Variants in SLC4A4 observed in about 807,000 individuals in gnomAD.
SLC4A4 encodes the protein solute carrier family 4 member 4, also known as electrogenic sodium bicarbonate cotransporter 1.
A neutral mutation model predicts 111.5 loss-of-function variants in SLC4A4; 27 were observed. The observed-to-expected ratio is 0.24, with a 90% CI of 0.18 to 0.33. The LOEUF (loss-of-function observed/expected upper bound fraction) is 0.33, where lower values mean the gene tolerates loss of function less well. Ranked by LOEUF, SLC4A4 falls within the 10% of genes least tolerant of loss-of-function variation. The probability of loss-of-function intolerance (pLI) is 1.00; values close to 1 mark genes in which losing one functional copy is unlikely to be tolerated. For synonymous variants in SLC4A4, 443 were observed against 463.4 expected (o/e 0.96, Z 0.57); for missense variants, 909 against 1,315.5 (o/e 0.69, Z 4.78).
intron 4 of SLC4A4, among the ~76,000 whole-genome samples, chr4:71,343,576 G>A (rs958873865): frequency 2.0e-5 from 3 of 152,072 alleles, no homozygotes; most frequent in African/African-American, 7.2e-5. Context: ...CTTGATTCCT[G>A]TCTTTCTCTA....
chr4:71,380,281 A>T (rs1232374791), intron 6 of SLC4A4, among the ~76,000 whole-genome samples: 2 of 152,208 alleles, frequency 1.3e-5, no homozygotes, highest in Admixed American at 6.5e-5. Flanking sequence ...ATCATTTATT[A>T]CACCAGTTCC....
intron 7 of SLC4A4, among the ~76,000 whole-genome samples, chr4:71,418,729 C>G (rs995906126): frequency 3.9e-5 from 6 of 152,232 alleles, no homozygotes; most frequent in African/African-American, 1.4e-4. Flanking sequence ...GAGTCCTATC[C>G]CATAAATTAG....
chr4:71,495,844 A>C (rs1730352199), intron 15 of SLC4A4, among the ~76,000 whole-genome samples: 1 of 152,082 alleles, frequency 6.6e-6, no homozygotes, highest in Admixed American at 6.6e-5. Flanking sequence ...AAGAGGAGTA[A>C]GTTATGGGTA....
chr4:71,465,452 A>AC (rs1727218716), intron 12 of SLC4A4, among the ~76,000 whole-genome samples: 1 of 151,152 alleles, frequency 6.6e-6, no homozygotes, highest in African/African-American at 2.4e-5. Context: ...CTTCCTACAA[A>AC]TACACATGTG....
chr4:71,191,625 CA>C (rs1745736045), intron 1 of SLC4A4, among the ~76,000 whole-genome samples: 1 of 152,176 alleles, frequency 6.6e-6, no homozygotes, highest in African/African-American at 2.4e-5. Flanking sequence ...TAATTCTGCT[CA>C]GTAGCAGTGC....
intron 1 of SLC4A4, among the ~76,000 whole-genome samples, chr4:71,087,083 G>T (rs1315342108): frequency 3.3e-5 from 5 of 151,938 alleles, no homozygotes; most frequent in Non-Finnish European, 7.4e-5. Flanking sequence ...CAATATCAGA[G>T]CCTGTTATTG....
intron 12 of SLC4A4, among the ~76,000 whole-genome samples, chr4:71,457,509 C>A (rs1310128617): frequency 6.6e-6 from 1 of 152,140 alleles, no homozygotes; most frequent in Non-Finnish European, 1.5e-5. Context: ...ATCTGAGATG[C>A]AACCCTGGCT....
intron 1 of SLC4A4, among the ~76,000 whole-genome samples, chr4:71,204,093 G>A (rs1307384559): frequency 2.0e-5 from 3 of 152,128 alleles, no homozygotes; most frequent in South Asian, 2.1e-4. Flanking sequence ...GATTCCATGC[G>A]GTGTTGGCTA....
At chr4:71,563,990 G>GT in intron 24 of SLC4A4, 101 bp downstream of exon 24, 1 of 815,012 alleles carries the variant, frequency 1.2e-6, no homozygotes, top group South Asian at 1.4e-5. Context: ...CCTCAATTTT[G>GT]TTTTTCCTTT....
At chr4:71,267,791 C>CAAAAAAAAAAAAAAAAAAAA (rs71212002) in intron 3 of SLC4A4, among the ~76,000 whole-genome samples, 2 of 62,360 alleles carry the variant, frequency 3.2e-5, no homozygotes, top group Admixed American at 5.6e-4. Context: ...GAGAGTCTGC[C>CAAAAAAAAAAAAAAAAAAAA]AAAAAAAAAA....
In SLC4A4 at chr4:71,430,585, G is replaced by A. The variant is rs543267874; in HGVS notation, c.808-10031G>A. ...CCTCAAATTAATTGAAGCCCAAAAG[G>A]GGATTTAGTGGCTTATGAAACTGGG... is the stretch of plus-strand genomic sequence containing the variant. On this transcript the variant is annotated intron_variant, in intron 7 of 25. Transcript: ENST00000264485. 2.0e-5 allele frequency among the ~76,000 whole-genome samples: 3 copies of A among 150,774 alleles called. No homozygotes were observed. The Admixed American group carries it at 2.0e-4, about 10-fold the overall frequency.
At chr4:71,316,691 T>C (rs1726711031) in intron 3 of SLC4A4, among the ~76,000 whole-genome samples, 1 of 152,136 alleles carries the variant, frequency 6.6e-6, no homozygotes, top group African/African-American at 2.4e-5. Context: ...TAGCTATTTA[T>C]CTTGATGCTC....
At chr4:71,090,926 T>C (rs893178756) in intron 1 of SLC4A4, among the ~76,000 whole-genome samples, 4 of 152,130 alleles carry the variant, frequency 2.6e-5, no homozygotes, top group African/African-American at 9.7e-5. Flanking sequence ...GTCGTTCATG[T>C]TGAGGACATT....
At chr4:71,296,992 G>A (rs757820383) in intron 3 of SLC4A4, among the ~76,000 whole-genome samples, 16 of 152,310 alleles carry the variant, frequency 1.1e-4, no homozygotes, top group Non-Finnish European at 1.8e-4. Context: ...CAATGTATAG[G>A]TTGTTTGTAG....
intron 16 of SLC4A4, among the ~76,000 whole-genome samples, chr4:71,508,984 C>T (rs1731664901): frequency 2.0e-5 from 3 of 152,106 alleles, no homozygotes; most frequent in Non-Finnish European, 4.4e-5. Context: ...ATCACACAAC[C>T]AGAACTAAGG....
intron 2 of SLC4A4, among the ~76,000 whole-genome samples, chr4:71,119,053 A>G (rs1743347858): frequency 6.6e-6 from 1 of 152,230 alleles, no homozygotes; most frequent in Non-Finnish European, 1.5e-5. Flanking sequence ...AATGTAAACT[A>G]TGGAATCTGG....
At chr4:71,267,502 G>GGAGAGT (rs892123045) in intron 3 of SLC4A4, among the ~76,000 whole-genome samples, 1 of 152,128 alleles carries the variant, frequency 6.6e-6, no homozygotes, top group Non-Finnish European at 1.5e-5. Flanking sequence ...GCCTCATTGA[G>GGAGAGT]GAGAGTTCCA....
chr4:71,353,658 T>C (rs1730041131), intron 5 of SLC4A4, among the ~76,000 whole-genome samples: 1 of 151,858 alleles, frequency 6.6e-6, no homozygotes. Context: ...TCCCAAATCA[T>C]GCTGATACTT....
At chr4:71,466,950 A>AGAGAGAGG (rs1727395467) in intron 13 of SLC4A4, among the ~76,000 whole-genome samples, 2 of 116,672 alleles carry the variant, frequency 1.7e-5, no homozygotes, top group Non-Finnish European at 3.4e-5. Flanking sequence ...AGAGAGAGAG[A>AGAGAGAGG]GAGAGAGAGA....
Sources: allele counts gnomAD v4.1 joint callset (sites outside exome capture counted in the v4.1 genomes callset), GRCh38; gene constraint gnomAD v4.1.1; transcripts MANE v1.5; gene names NCBI Gene and HGNC (gene_info 2026-07-23, HGNC 2026-07-21).